Variants in DLG2 observed in about 807,000 individuals in gnomAD.
DLG2 encodes discs large MAGUK scaffold protein 2, also known as disks large homolog 2.
DLG2 carries 45 observed loss-of-function variants against 132.5 expected under a neutral mutation model. That is an observed-to-expected ratio of 0.34 (90% confidence interval 0.27 to 0.44). The LOEUF (loss-of-function observed/expected upper bound fraction) is 0.44. DLG2 is among the 20% of genes least tolerant of loss of function. The pLI is 1.00. For synonymous variants in DLG2, 424 were observed against 419.6 expected (o/e 1.01, Z -0.13); for missense variants, 1,045 against 1,196.9 (o/e 0.87, Z 1.87).
intron 3 of DLG2, among the ~76,000 whole-genome samples, chr11:85,548,366 G>A (rs751268987): frequency 7.0e-4 from 107 of 152,232 alleles, no homozygotes; most frequent in Admixed American, 1.7e-3. Flanking sequence ...TGGAAGTTTC[G>A]TCCCAGAGGG....
chr11:84,434,918 G>GAAAAAAAAAAAAAAAAAAAAAA (rs770101910), intron 7 of DLG2, among the ~76,000 whole-genome samples: 1 of 79,262 alleles, frequency 1.3e-5, no homozygotes, highest in Admixed American at 1.5e-4. Context: ...GTCACCTACT[G>GAAAAAAAAAAAAAAAAAAAAAA]AAAAAAAAAA....
chr11:84,475,678 A>G (rs555812677), intron 7 of DLG2, among the ~76,000 whole-genome samples: 34 of 152,228 alleles, frequency 2.2e-4, no homozygotes, highest in Admixed American at 6.5e-4. Context: ...GCCTGTTTAG[A>G]GAGCATCACT....
At chr11:83,933,538 C>T (rs2080813067) in intron 14 of DLG2, among the ~76,000 whole-genome samples, 2 of 152,204 alleles carry the variant, frequency 1.3e-5, no homozygotes, top group Admixed American at 6.5e-5. Flanking sequence ...TTAGCACACC[C>T]TGGCCCTTGG....
rs1202823651 is a variant in DLG2 at position 84,534,711 on chromosome 11, C to T, written c.378G>A (p.Glu126=). The T allele has an allele frequency of 5.0e-6, 8 of 1,613,818 alleles. No individual in the cohort carries two copies. The African/African-American group carries it at 1.1e-4, about 22-fold the overall frequency. Residue 126 remains glutamate, a synonymous_variant, in exon 7 of 28, where the codon GAG becomes GAA. Coordinates refer to ENST00000376104, the MANE Select transcript of DLG2 (RefSeq NM_001142699.3). ...GTAAGGAATGATCATGTGGAGCGTCCTCATCTTGATATCGATACTTCTAGG... is the reference window on the plus strand; with the variant it reads ...GTAAGGAATGATCATGTGGAGCGTCTTCATCTTGATATCGATACTTCTAGG... The part of the protein sequence containing the change: ...HHCTKYRYQD[E]DAPHDHSLPR...
At chr11:85,045,011 AAT>A (rs1244677715) in intron 6 of DLG2, among the ~76,000 whole-genome samples, 1 of 152,000 alleles carries the variant, frequency 6.6e-6, no homozygotes, top group Non-Finnish European at 1.5e-5. Context: ...GAGAGCTGGA[AAT>A]AGGAAAGTAG....
intron 6 of DLG2, among the ~76,000 whole-genome samples, chr11:84,779,719 T>C (rs753592738): frequency 1.3e-5 from 2 of 152,064 alleles, no homozygotes; most frequent in South Asian, 2.1e-4. Context: ...CACAGAAACA[T>C]GAAAGTTCAT....
chr11:84,640,201 T>A (rs1167067597), intron 6 of DLG2: 1 of 281,330 alleles, frequency 3.6e-6, no homozygotes, highest in Non-Finnish European at 6.9e-6. Flanking sequence ...CTGTCTGTAC[T>A]CTTTGTAGTC....
intron 3 of DLG2, among the ~76,000 whole-genome samples, chr11:85,447,642 T>G (rs2092069389): frequency 6.6e-6 from 1 of 152,208 alleles, no homozygotes; most frequent in African/African-American, 2.4e-5. Flanking sequence ...GAATTTGTGA[T>G]ATTTATTATG....
chr11:84,701,153 G>A (rs2059182750), intron 6 of DLG2, among the ~76,000 whole-genome samples: 1 of 151,566 alleles, frequency 6.6e-6, no homozygotes, highest in East Asian at 2.0e-4. Flanking sequence ...CCTGTTCACA[G>A]GCACCTGTTC....
At chr11:83,517,649 G>T (rs1046891611) in intron 21 of DLG2, among the ~76,000 whole-genome samples, 1 of 152,136 alleles carries the variant, frequency 6.6e-6, no homozygotes, top group Non-Finnish European at 1.5e-5. Flanking sequence ...CATCTTTGTG[G>T]TTTTATCTAC....
At chr11:84,141,290 T>C (rs933809393) in intron 9 of DLG2, among the ~76,000 whole-genome samples, 15 of 151,736 alleles carry the variant, frequency 9.9e-5, no homozygotes, top group African/African-American at 3.4e-4. Flanking sequence ...GAAAGAAATA[T>C]ATGCATATAT....
At chr11:85,437,626 A>G (rs192779061) in intron 3 of DLG2, among the ~76,000 whole-genome samples, 8 of 152,294 alleles carry the variant, frequency 5.3e-5, no homozygotes, top group African/African-American at 1.9e-4. Flanking sequence ...TCAATTATTG[A>G]GTTATTAATT....
intron 3 of DLG2, among the ~76,000 whole-genome samples, chr11:85,486,158 G>A (rs1051370271): frequency 6.6e-6 from 1 of 151,158 alleles, no homozygotes; most frequent in Non-Finnish European, 1.5e-5. Context: ...CTGGGCTAGG[G>A]TTGTTGCTGC....
At chr11:84,556,564 T>C (rs1044235593) in intron 6 of DLG2, among the ~76,000 whole-genome samples, 3 of 152,200 alleles carry the variant, frequency 2.0e-5, no homozygotes, top group African/African-American at 7.2e-5. Flanking sequence ...CACGATGTTA[T>C]TCAAATGTTT....
intron 8 of DLG2, among the ~76,000 whole-genome samples, chr11:84,229,878 G>A (rs1258430775): frequency 6.6e-6 from 1 of 152,128 alleles, no homozygotes; most frequent in Non-Finnish European, 1.5e-5. Context: ...ACAGTACCCA[G>A]TACTGAGTAA....
chr11:83,927,283 T>C (rs1216470793), intron 15 of DLG2, among the ~76,000 whole-genome samples: 1 of 152,148 alleles, frequency 6.6e-6, no homozygotes, highest in East Asian at 1.9e-4. Flanking sequence ...GCTTACAGTG[T>C]AGCAGGTGAT....
At chr11:84,384,267 C>T (rs1018341640) in intron 7 of DLG2, among the ~76,000 whole-genome samples, 2 of 151,552 alleles carry the variant, frequency 1.3e-5, no homozygotes, top group African/African-American at 4.8e-5. Context: ...CCAAACAGGG[C>T]TATTATTTAA....
At chr11:85,260,078 C>T (rs969403901) in intron 4 of DLG2, among the ~76,000 whole-genome samples, 2 of 152,110 alleles carry the variant, frequency 1.3e-5, no homozygotes, top group Non-Finnish European at 2.9e-5. Flanking sequence ...TGAGTCCTGG[C>T]TCTACCATCA....
chr11:84,235,631 G>A (rs960458469), intron 8 of DLG2, among the ~76,000 whole-genome samples: 4 of 152,106 alleles, frequency 2.6e-5, no homozygotes, highest in African/African-American at 9.7e-5. Flanking sequence ...CTCGAACAAT[G>A]TGTTTCTCTT....
Sources: allele counts gnomAD v4.1 joint callset (sites outside exome capture counted in the v4.1 genomes callset), GRCh38; gene constraint gnomAD v4.1.1; transcripts MANE v1.5; gene names NCBI Gene and HGNC (gene_info 2026-07-23, HGNC 2026-07-21).